The following NSD1 variants were observed in gnomAD, a reference collection of about 807,000 sequenced individuals.
NSD1 encodes nuclear receptor binding SET domain protein 1.
A neutral mutation model predicts 242.7 loss-of-function variants in NSD1; 26 were observed. That is an observed-to-expected ratio of 0.11 (90% CI 0.08 to 0.15). The LOEUF (loss-of-function observed/expected upper bound fraction) is 0.15. Among genes scored for constraint, NSD1 ranks in the 10% least tolerant of loss-of-function variants. NSD1 has a pLI of 1.00. For missense variants in NSD1, 2,495 were observed against 3,272.8 expected (o/e 0.76, Z 5.80); for synonymous variants, 1,106 against 1,178.1 (o/e 0.94, Z 1.25).
At chr5:177,178,817 G>A (rs1760421236) in intron 2 of NSD1, among the ~76,000 whole-genome samples, 1 of 152,076 alleles carries the variant, frequency 6.6e-6, no homozygotes, top group South Asian at 2.1e-4. Context: ...TTTAAAACAT[G>A]AATAAGACAA....
At chr5:177,131,810 A>C (rs1055770329), upstream of NSD1, among the ~76,000 whole-genome samples, 1 of 152,226 alleles carries the variant, frequency 6.6e-6, no homozygotes, top group African/African-American at 2.4e-5. Flanking sequence ...CTTGAGATGG[A>C]GTTAACTCCA....
At chr5:177,151,439 A>C (rs1757688707) in intron 2 of NSD1, among the ~76,000 whole-genome samples, 3 of 151,886 alleles carry the variant, frequency 2.0e-5, no homozygotes, top group Admixed American at 1.3e-4. Flanking sequence ...CCCAGGCTGG[A>C]GTGCAATGGC....
At chr5:177,203,710 C>T (rs1249076319) in intron 3 of NSD1, among the ~76,000 whole-genome samples, 1 of 144,854 alleles carries the variant, frequency 6.9e-6, no homozygotes, top group African/African-American at 2.5e-5. Context: ...GTGTTTTTCA[C>T]GTTTTCTTGG....
intron 2 of NSD1, among the ~76,000 whole-genome samples, chr5:177,184,923 A>G (rs1386202320): frequency 3.9e-5 from 6 of 152,124 alleles, no homozygotes; most frequent in African/African-American, 1.4e-4. Context: ...TAAGCTGTGG[A>G]AAAGTTTTAG....
intron 2 of NSD1, among the ~76,000 whole-genome samples, chr5:177,149,370 C>T (rs1757519943): frequency 6.6e-6 from 1 of 151,698 alleles, no homozygotes; most frequent in Non-Finnish European, 1.5e-5. Context: ...AGGTGTGCAT[C>T]ACCACGCCTG....
At chr5:177,184,948 CAT>C (rs1388585421) in intron 2 of NSD1, among the ~76,000 whole-genome samples, 3 of 152,076 alleles carry the variant, frequency 2.0e-5, no homozygotes, top group Non-Finnish European at 4.4e-5. Flanking sequence ...CTTTGGATAT[CAT>C]ATAAATCAAG....
At position 177,210,365 on chromosome 5, in the gene NSD1, T is replaced by C. The variant is rs2149844220; in HGVS notation, c.1966T>C (p.Ser656Pro). ...SSDLDPIEHS[S>P]ESDNSVLEIP... ...TGACCTGGATCCCATAGAACACAGC[T>C]CAGAGTCTGATAACAGTGTCCTTGA... Residue 656 changes from serine (S) to proline (P), a missense_variant, in exon 5 of 23, where the codon TCA becomes CCA. Transcript: ENST00000439151. 6.2e-7 allele frequency: 1 copy of C among 1,614,140 alleles called. No homozygotes were observed. Among genetic ancestry groups the C allele is most frequent in the East Asian group, 2.2e-5 (1 of 44,888 alleles).
intron 2 of NSD1, among the ~76,000 whole-genome samples, chr5:177,190,009 G>C (rs188358061): frequency 6.3e-4 from 96 of 152,288 alleles, no homozygotes; most frequent in African/African-American, 2.1e-3. Flanking sequence ...ACAGGCTGGA[G>C]TGCAGTGGGC....
chr5:177,191,656 A>AT (rs1761706692), intron 2 of NSD1, among the ~76,000 whole-genome samples: 1 of 152,164 alleles, frequency 6.6e-6, no homozygotes, highest in Admixed American at 6.6e-5. Flanking sequence ...ATACGGATAG[A>AT]TTCATTATAT....
chr5:177,150,714 C>T (rs924758918), intron 2 of NSD1, among the ~76,000 whole-genome samples: 1 of 152,074 alleles, frequency 6.6e-6, no homozygotes, highest in African/African-American at 2.4e-5. Flanking sequence ...ATGTGATATT[C>T]CCTCACATAC....
chr5:177,213,614 C>T (rs1359969772), intron 5 of NSD1, among the ~76,000 whole-genome samples: 1 of 152,158 alleles, frequency 6.6e-6, no homozygotes, highest in Non-Finnish European at 1.5e-5. Flanking sequence ...ACTACAGGCG[C>T]CCGCCACCAC....
chr5:177,191,256 C>T (rs139603328), intron 2 of NSD1, among the ~76,000 whole-genome samples: 2,770 of 152,294 alleles, frequency 0.018, 32 homozygotes, highest in Non-Finnish European at 0.028. Flanking sequence ...AGGCATGAGC[C>T]ACTGTGCCCA....
rs61749654 is a variant in NSD1 at position 177,280,723 on chromosome 5, C to G, written c.5781C>G (p.Ala1927=). 4.9e-4 allele frequency: 784 copies of G among 1,614,226 alleles called. 4 individuals are homozygous for G. In the Middle Eastern group the frequency reaches 8.7e-3, roughly 18 times the overall value. The change falls in exon 18 of 23, where the codon GCC becomes GCG. Residue 1927 remains alanine, a synonymous_variant. Coordinates refer to ENST00000439151, the MANE Select transcript of NSD1 (RefSeq NM_022455.5). ...LYECHPTVCP[A]GGRCQNQCFS... Reference sequence around the variant, plus strand: ...AGTGCCACCCCACAGTGTGTCCTGCCGGAGGGCGCTGTCAAAACCAGTGCT... The same window carrying G: ...AGTGCCACCCCACAGTGTGTCCTGCGGGAGGGCGCTGTCAAAACCAGTGCT...
rs1758794972 is a variant in NSD1 at position 177,280,603 on chromosome 5, A to C, written c.5661A>C (p.Ala1887=). 3.7e-6 allele frequency: 6 copies of C among 1,614,238 alleles called. No homozygotes were observed. Among genetic ancestry groups the C allele is most frequent in the Non-Finnish European group, 5.1e-6 (6 of 1,180,050 alleles). ...TTGGCAGGGTACAGATCTTCACTGCAGACTTATCTGAAATACCCCGTTGCA... is the reference window on the plus strand; with the variant it reads ...TTGGCAGGGTACAGATCTTCACTGCCGACTTATCTGAAATACCCCGTTGCA... ...RPIGRVQIFT[A]DLSEIPRCNC... The change falls in exon 18 of 23, where the codon GCA becomes GCC. Residue 1887 remains alanine, a synonymous_variant. Coordinates refer to ENST00000439151, the MANE Select transcript of NSD1 (RefSeq NM_022455.5).
intron 2 of NSD1, among the ~76,000 whole-genome samples, chr5:177,173,623 G>A (rs1221165870): frequency 6.6e-6 from 1 of 151,898 alleles, no homozygotes; most frequent in African/African-American, 2.4e-5. Context: ...ACAGGCACGT[G>A]CCACCACACC....
chr5:177,238,241 G>A lies in NSD1; in HGVS notation c.3926G>A (p.Ser1309Asn). The change falls in exon 7 of 23, where the codon AGT becomes AAT. Residue 1309 changes from serine (S) to asparagine (N), a missense_variant. This residue lies in a region of NSD1 where 100 missense variants were observed against 190.7 expected (regional missense o/e 0.52). Transcript: ENST00000439151. The surrounding 1 kb of genome is among the most constrained non-coding windows in gnomAD (Gnocchi z 4.6). ...ATTTTTATTTTTTGTTCTTAGGTAAGTTCCCGCTGTGAAGAGGAAAGCCTT... is the reference window on the plus strand; with the variant it reads ...ATTTTTATTTTTTGTTCTTAGGTAAATTCCCGCTGTGAAGAGGAAAGCCTT... ...KKVQEQVHKV[S>N]SRCEEESLLA... 3.1e-6 allele frequency: 5 copies of A among 1,614,150 alleles called. No individual in the cohort carries two copies. The highest frequency in any genetic ancestry group is 4.2e-6 in the Non-Finnish European group (5 of 1,180,030).
In NSD1 at chr5:177,144,124, C is replaced by T. The variant is rs138262650; in HGVS notation, c.927+8094C>T. On this transcript the variant is annotated intron_variant, in intron 2 of 22. Transcript: ENST00000439151. ...TATATGAAGTAATACACTGCTGGTT[C>T]TGAAGTAGGTGTGCAGTAAGTGATG... 1.2e-4 allele frequency among the ~76,000 whole-genome samples: 18 copies of T among 152,238 alleles called. No homozygotes were observed. In the East Asian group the frequency reaches 3.5e-3, roughly 29 times the overall value.
At chr5:177,189,808 T>A (rs1446729328) in intron 2 of NSD1, among the ~76,000 whole-genome samples, 1 of 152,186 alleles carries the variant, frequency 6.6e-6, no homozygotes, top group African/African-American at 2.4e-5. Flanking sequence ...AATTATATAA[T>A]AAATTTATTG....
intron 16 of NSD1, 76 bp from the exon 17 acceptor site, chr5:177,273,596 A>G: frequency 1.7e-6 from 2 of 1,199,918 alleles, no homozygotes; most frequent in African/African-American, 1.5e-5. Flanking sequence ...TAAAGGGGAA[A>G]AAGTAAAAAA....
Sources: allele counts gnomAD v4.1 joint callset (sites outside exome capture counted in the v4.1 genomes callset), GRCh38; gene constraint gnomAD v4.1.1; regional missense constraint gnomAD v4.1.1; non-coding constraint Gnocchi (gnomAD v3.1); transcripts MANE v1.5; gene names NCBI Gene and HGNC (gene_info 2026-07-23, HGNC 2026-07-21).